Variants in ARHGAP12 observed in about 807,000 individuals in gnomAD.
ARHGAP12 encodes rho GTPase-activating protein 12.
A neutral mutation model predicts 108.6 loss-of-function variants in ARHGAP12; 64 were observed. The ratio of observed to expected loss-of-function variants is 0.59; its 90% CI spans 0.48 to 0.73. The LOEUF (loss-of-function observed/expected upper bound fraction) is 0.73, where lower values mean the gene tolerates loss of function less well. ARHGAP12 is among the 30% of genes least tolerant of loss of function. The pLI is 0.00. For missense variants in ARHGAP12, 940 were observed against 1,005.9 expected (o/e 0.93, Z 0.89); for synonymous variants, 312 against 337.2 (o/e 0.93, Z 0.82).
intron 10 of ARHGAP12, 127 bp downstream of exon 10, chr10:31,831,612 G>A (rs1835836983): frequency 1.8e-6 from 1 of 563,696 alleles, no homozygotes; most frequent in African/African-American, 2.0e-5. Context: ...TTACATATAT[G>A]ATTACATAGA....
At chr10:31,896,649 T>C (rs758014040) in intron 3 of ARHGAP12, among the ~76,000 whole-genome samples, 2 of 152,178 alleles carry the variant, frequency 1.3e-5, no homozygotes, top group Non-Finnish European at 2.9e-5. Context: ...GCAAAGTATA[T>C]GGTTCTTAAT....
At chr10:31,856,471 GC>G (rs1836890721) in intron 4 of ARHGAP12, among the ~76,000 whole-genome samples, 1 of 152,050 alleles carries the variant, frequency 6.6e-6, no homozygotes, top group East Asian at 1.9e-4. Context: ...AACAAATTTT[GC>G]TCCTTTATTC....
chr10:31,812,843 T>C lies in ARHGAP12; in HGVS notation c.1835-20A>G, dbSNP rs748126871. 9 of 1,385,368 alleles carry C rather than the reference T, an allele frequency of 6.5e-6. No individual in the cohort carries two copies. The Admixed American group carries it at 2.0e-4, about 31-fold the overall frequency. The allele number at this position is 1,385,368 out of a possible 1,614,324, so 85.8% of individuals were successfully genotyped here. A position where few individuals can be genotyped will look rare whatever the true frequency, so the allele number is the denominator to read the frequency against. On this transcript the variant is annotated intron_variant, in intron 14 of 19. Transcript: ENST00000344936. ...TAAAGGCTTAAGACAAAAAGACAGG[T>C]AATGAGCATTTGTAAAAATAAAGTT...
At chr10:31,914,683 T>C (rs1839483972) in intron 1 of ARHGAP12, among the ~76,000 whole-genome samples, 1 of 152,228 alleles carries the variant, frequency 6.6e-6, no homozygotes, top group Non-Finnish European at 1.5e-5. Context: ...CTTTATATAC[T>C]GTTGGTGTTA....
At chr10:31,848,811 G>A (rs557684630) in intron 6 of ARHGAP12, among the ~76,000 whole-genome samples, 7 of 152,154 alleles carry the variant, frequency 4.6e-5, no homozygotes, top group East Asian at 1.9e-4. Flanking sequence ...GGTGGCTCAC[G>A]CCTGTAATTC....
intron 3 of ARHGAP12, among the ~76,000 whole-genome samples, chr10:31,901,941 T>C (rs1326267543): frequency 6.6e-6 from 1 of 152,206 alleles, no homozygotes; most frequent in Non-Finnish European, 1.5e-5. Flanking sequence ...ATGGAGGGTT[T>C]AGGATAATCT....
At chr10:31,852,402 T>A in intron 6 of ARHGAP12, 115 bp downstream of exon 6, 1 of 901,166 alleles carries the variant, frequency 1.1e-6, no homozygotes, top group Non-Finnish European at 1.8e-6. Flanking sequence ...TCTGAAAAAA[T>A]TATTCTACTT....
chr10:31,884,486 T>C (rs1311945432), intron 3 of ARHGAP12, among the ~76,000 whole-genome samples: 1 of 152,200 alleles, frequency 6.6e-6, no homozygotes, highest in Non-Finnish European at 1.5e-5. Context: ...TTTACAGCCT[T>C]TTCATATTAT....
In ARHGAP12 at chr10:31,880,671, TTAA is replaced by T. The variant is rs1276696435; in HGVS notation, c.685-19016_685-19014del. Among the ~76,000 whole-genome samples, 7 of 152,234 alleles carry T rather than the reference TTAA, an allele frequency of 4.6e-5. No individual in the cohort carries two copies. The East Asian group carries it at 5.8e-4, about 13-fold the overall frequency. Reference sequence around the variant, plus strand: ...TGTATCAAACTATCCCCAGCAATTATTAATAAGTTCCACCTTTAATACTTCAAT... The same window carrying T: ...TGTATCAAACTATCCCCAGCAATTATTAAGTTCCACCTTTAATACTTCAAT... On this transcript the variant is annotated intron_variant, in intron 3 of 19. Coordinates refer to ENST00000344936, the MANE Select transcript of ARHGAP12 (RefSeq NM_018287.7).
chr10:31,817,207 A>C (rs75746696), intron 13 of ARHGAP12, among the ~76,000 whole-genome samples: 1 of 147,234 alleles, frequency 6.8e-6, no homozygotes, highest in African/African-American at 2.5e-5. Context: ...ACTCTGTTTC[A>C]AAAAAAAAAA....
At position 31,807,548 on chromosome 10, in the gene ARHGAP12, T is replaced by A; in HGVS notation, c.*110A>T. 1 of 1,085,890 alleles carries A rather than the reference T, an allele frequency of 9.2e-7. No individual in the cohort carries two copies. 67.3% of individuals were successfully genotyped at this position (1,085,890 alleles called of 1,614,324 possible). A position where few individuals can be genotyped will look rare whatever the true frequency, so the allele number is the denominator to read the frequency against. ...CCCTTCTGATCCCTCAAAAAAAAAG[T>A]GCAAAATCAAAGAGTCACTGCTTGG... On this transcript the variant is annotated 3_prime_UTR_variant, in exon 20 of 20. Transcript: ENST00000344936.
intron 12 of ARHGAP12, among the ~76,000 whole-genome samples, chr10:31,819,401 T>C (rs1359675414): frequency 2.0e-5 from 3 of 152,170 alleles, no homozygotes; most frequent in African/African-American, 7.2e-5. Context: ...TGGAAGGCTG[T>C]CCACAAAATC....
At chr10:31,894,136 A>G (rs567677556) in intron 3 of ARHGAP12, among the ~76,000 whole-genome samples, 6 of 152,346 alleles carry the variant, frequency 3.9e-5, no homozygotes, top group African/African-American at 1.4e-4. Context: ...CCCACAGCCA[A>G]TATCATAGTG....
intron 6 of ARHGAP12, among the ~76,000 whole-genome samples, chr10:31,852,223 T>C (rs1040618059): frequency 1.3e-5 from 2 of 152,182 alleles, no homozygotes; most frequent in Admixed American, 6.5e-5. Context: ...CACAACTAGA[T>C]ATAAGATGGC....
chr10:31,834,845 T>G (rs1031328229), intron 9 of ARHGAP12, among the ~76,000 whole-genome samples: 10 of 152,114 alleles, frequency 6.6e-5, no homozygotes, highest in African/African-American at 2.4e-4. Context: ...GTTTTTGAAT[T>G]TGACATAAAA....
intron 3 of ARHGAP12, among the ~76,000 whole-genome samples, chr10:31,882,209 A>C (rs1837997963): frequency 6.6e-6 from 1 of 152,218 alleles, no homozygotes; most frequent in Admixed American, 6.5e-5. Flanking sequence ...ATGAAAATAA[A>C]CTAAGAATAA....
intron 3 of ARHGAP12, among the ~76,000 whole-genome samples, chr10:31,873,336 A>G (rs1837609512): frequency 6.6e-6 from 1 of 152,252 alleles, no homozygotes; most frequent in African/African-American, 2.4e-5. Context: ...CTTAAAATGT[A>G]CAGTTGAAAA....
At chr10:31,836,518 C>T (rs1050724670) in intron 9 of ARHGAP12, among the ~76,000 whole-genome samples, 5 of 151,858 alleles carry the variant, frequency 3.3e-5, no homozygotes, top group Non-Finnish European at 7.4e-5. Context: ...TATTAAGGGA[C>T]GAAATTTTAA....
At chr10:31,825,580 A>G (rs1352263766) in intron 11 of ARHGAP12, among the ~76,000 whole-genome samples, 1 of 152,094 alleles carries the variant, frequency 6.6e-6, no homozygotes, top group African/African-American at 2.4e-5. Context: ...TAAGTGTTTT[A>G]TACCTCATTT....
Sources: allele counts gnomAD v4.1 joint callset (sites outside exome capture counted in the v4.1 genomes callset), GRCh38; gene constraint gnomAD v4.1.1; transcripts MANE v1.5; gene names NCBI Gene and HGNC (gene_info 2026-07-23, HGNC 2026-07-21).